Variants in CDH20 observed in about 807,000 individuals in gnomAD.
CDH20 encodes cadherin-20.
In CDH20, 29 loss-of-function variants were observed where a neutral mutation model predicts 74.2. That is an observed-to-expected ratio of 0.39 (90% CI 0.29 to 0.53). The LOEUF is 0.53. Among genes scored for constraint, CDH20 ranks in the 20% least tolerant of loss-of-function variants. CDH20 has a pLI of 0.69. For synonymous variants in CDH20, 469 were observed against 405.4 expected (o/e 1.16, Z -1.88); for missense variants, 988 against 1,048.3 (o/e 0.94, Z 0.79).
intron 1 of CDH20, among the ~76,000 whole-genome samples, chr18:61,399,044 G>C (rs1338839677): frequency 1.3e-5 from 2 of 152,136 alleles, no homozygotes; most frequent in Non-Finnish European, 2.9e-5. Flanking sequence ...TCATTTACCT[G>C]TTCATACAGT....
At chr18:61,459,852 A>G (rs1379261813) in intron 1 of CDH20, among the ~76,000 whole-genome samples, 1 of 152,194 alleles carries the variant, frequency 6.6e-6, no homozygotes, top group African/African-American at 2.4e-5. Flanking sequence ...TTAGGAGAGA[A>G]TGGTGCTATA....
chr18:61,460,248 G>A (rs147690773), intron 1 of CDH20, among the ~76,000 whole-genome samples: 3 of 152,208 alleles, frequency 2.0e-5, no homozygotes, highest in East Asian at 1.9e-4. Context: ...ACTGTTTAGG[G>A]GGGAAAAAAT....
intron 11 of CDH20, 115 bp from the exon 12 acceptor site, chr18:61,554,075 G>A: frequency 1.6e-6 from 2 of 1,261,182 alleles, no homozygotes; most frequent in Middle Eastern, 2.5e-4. Context: ...AGCTATCTCT[G>A]AGCCCTCCAC....
chr18:61,465,880 G>A (rs575195526), intron 1 of CDH20, among the ~76,000 whole-genome samples: 1 of 151,824 alleles, frequency 6.6e-6, no homozygotes, highest in African/African-American at 2.4e-5. Context: ...CAACCTGGAG[G>A]AACCATGTCT....
chr18:61,544,108 G>T (rs1050276886), intron 9 of CDH20, among the ~76,000 whole-genome samples: 1 of 152,256 alleles, frequency 6.6e-6, no homozygotes, highest in Non-Finnish European at 1.5e-5. Flanking sequence ...CCCAAGGTGT[G>T]TGATGGCATG....
intron 1 of CDH20, among the ~76,000 whole-genome samples, chr18:61,430,796 T>G (rs1913227679): frequency 6.6e-6 from 1 of 152,164 alleles, no homozygotes; most frequent in Non-Finnish European, 1.5e-5. Context: ...TCATTTGTTT[T>G]TCAAGCTCTT....
At chr18:61,334,280 GCCGGGAAGGGGACCAGAGAGCCAGGCT>G (rs1416055892) in intron 1 of CDH20, 1 of 152,158 alleles carries the variant, frequency 6.6e-6, no homozygotes, top group Non-Finnish European at 1.5e-5. Flanking sequence ...AGAGATGTGC[GCCGGGAAGGGGACCAGAGAGCCAGGCT>G]CCGGGGAGGC....
chr18:61,522,462 C>T (rs1020747244), intron 6 of CDH20, among the ~76,000 whole-genome samples: 7 of 152,196 alleles, frequency 4.6e-5, no homozygotes, highest in South Asian at 4.2e-4. Context: ...GATAGGAACA[C>T]GCAATATCGT....
intron 10 of CDH20, among the ~76,000 whole-genome samples, chr18:61,549,611 GAACA>G (rs1913364067): frequency 6.6e-6 from 1 of 152,178 alleles, no homozygotes; most frequent in East Asian, 1.9e-4. Flanking sequence ...TGCTGAGCAG[GAACA>G]AACAGTGACC....
chr18:61,538,584 G>GTT lies in CDH20; in HGVS notation c.1409-438_1409-437dup, dbSNP rs1568182044. On this transcript the variant is annotated intron_variant, in intron 8 of 11. Coordinates refer to ENST00000262717, the MANE Select transcript of CDH20 (RefSeq NM_031891.4). ...CTCACCAAGTAAATAACTACTTTTT[G>GTT]TTTGTTTGTTTGTTTTTGTTTTTGT... is the stretch of plus-strand genomic sequence containing the variant. Among the ~76,000 whole-genome samples, 22 of 55,836 alleles carry GTT rather than the reference G, an allele frequency of 3.9e-4. 1 individual carries two copies. Among genetic ancestry groups the GTT allele is most frequent in the Admixed American group, 5.8e-4 (3 of 5,174 alleles). 36.6% of individuals were successfully genotyped at this position (55,836 alleles called of 152,430 possible).
intron 1 of CDH20, among the ~76,000 whole-genome samples, chr18:61,444,372 C>T (rs1241555730): frequency 6.6e-6 from 1 of 152,104 alleles, no homozygotes; most frequent in Non-Finnish European, 1.5e-5. Flanking sequence ...ATATATCTTT[C>T]TTGGGAACTG....
chr18:61,418,095 A>G (rs1912751510), intron 1 of CDH20, among the ~76,000 whole-genome samples: 1 of 152,250 alleles, frequency 6.6e-6, no homozygotes. Context: ...AAAAAGTATC[A>G]TAACCTTATA....
At chr18:61,531,194 G>A (rs1912623755) in intron 7 of CDH20, among the ~76,000 whole-genome samples, 1 of 152,222 alleles carries the variant, frequency 6.6e-6, no homozygotes, top group African/African-American at 2.4e-5. Flanking sequence ...GATTCCCCTC[G>A]ATGAGGGAGG....
chr18:61,420,563 T>C (rs1353177874), intron 1 of CDH20, among the ~76,000 whole-genome samples: 3 of 152,192 alleles, frequency 2.0e-5, no homozygotes, highest in Non-Finnish European at 4.4e-5. Context: ...TTAGTTTTCA[T>C]TTCCTGATTT....
intron 2 of CDH20, among the ~76,000 whole-genome samples, chr18:61,495,620 C>T (rs935746758): frequency 1.2e-4 from 18 of 152,170 alleles, no homozygotes; most frequent in Non-Finnish European, 2.9e-5. Flanking sequence ...GCGGCCCCAG[C>T]CCAAGGAGCA....
At chr18:61,436,879 G>T (rs961001216) in intron 1 of CDH20, among the ~76,000 whole-genome samples, 1 of 152,048 alleles carries the variant, frequency 6.6e-6, no homozygotes, top group African/African-American at 2.4e-5. Flanking sequence ...AGTACAGCCT[G>T]GGACAATAAA....
chr18:61,493,903 C>T (rs1911045095), intron 2 of CDH20, among the ~76,000 whole-genome samples: 1 of 152,106 alleles, frequency 6.6e-6, no homozygotes, highest in South Asian at 2.1e-4. Flanking sequence ...AATTGAGACG[C>T]CACTCACCAA....
chr18:61,527,984 C>A lies in CDH20; in HGVS notation c.1035C>A (p.Ser345Arg). ...CTTTTCAGCCCCTGAGTTTTGAAAG[C>A]AAGAAAAGCTACACCTTAAAGGTGG... ...ITVKKPLSFE[S>R]KKSYTLKVEG... is the part of the protein sequence containing the mutation. The change falls in exon 7 of 12, where the codon AGC (serine) becomes AGA (arginine). Residue 345 changes from serine (S) to arginine (R), a missense_variant. By Grantham distance (110) the Ser-to-Arg change is moderately radical. This residue lies in a region of CDH20 where 613 missense variants were observed against 755.2 expected (regional missense o/e 0.81). Transcript: ENST00000262717. 6.2e-7 allele frequency: 1 copy of A among 1,613,980 alleles called. No individual in the cohort carries two copies. The highest frequency in any genetic ancestry group is 8.5e-7 in the Non-Finnish European group (1 of 1,179,902).
Position 61,554,617 on chromosome 18 carries a change from C to T in CDH20, c.2328C>T (p.Phe776=), listed in dbSNP as rs770255176. ...ATSDSEQSFD[F]LTDWGPRFRK... ...CGGACTCGGAACAGAGCTTCGACTT[C>T]CTGACGGACTGGGGGCCCCGCTTCC... The change falls in exon 12 of 12, where the codon TTC becomes TTT. Residue 776 remains phenylalanine, a synonymous_variant. Transcript: ENST00000262717. The T allele has an allele frequency of 1.1e-5, 17 of 1,607,092 alleles. No homozygotes were observed. The East Asian group carries it at 3.3e-4, about 32-fold the overall frequency.
Sources: allele counts gnomAD v4.1 joint callset (sites outside exome capture counted in the v4.1 genomes callset), GRCh38; gene constraint gnomAD v4.1.1; regional missense constraint gnomAD v4.1.1; transcripts MANE v1.5; gene names NCBI Gene and HGNC (gene_info 2026-07-23, HGNC 2026-07-21).